The following SH3PXD2B variants were observed in gnomAD, a reference collection of about 807,000 sequenced individuals.
The protein encoded by SH3PXD2B is SH3 and PX domains 2B, also known as SH3 and PX domain-containing protein 2B.
SH3PXD2B carries 37 observed loss-of-function variants against 73.1 expected under a neutral mutation model. The observed-to-expected ratio is 0.51, with a 90% CI of 0.39 to 0.67. The LOEUF (loss-of-function observed/expected upper bound fraction) is 0.67. SH3PXD2B is among the 30% of genes least tolerant of loss of function. The probability of loss-of-function intolerance (pLI) is 0.00; values close to 1 mark genes in which losing one functional copy is unlikely to be tolerated. For synonymous variants in SH3PXD2B, 457 were observed against 480.5 expected (o/e 0.95, Z 0.64); for missense variants, 1,053 against 1,197.8 (o/e 0.88, Z 1.78).
At chr5:172,348,626 G>C (rs4129330) in intron 10 of SH3PXD2B, among the ~76,000 whole-genome samples, 1,112 of 92,514 alleles carry the variant, frequency 0.012, 11 homozygotes, top group Middle Eastern at 0.031. Flanking sequence ...ATCTATCTAT[G>C]TATCTATCTA....
chr5:172,354,106 T>C, intron 8 of SH3PXD2B, 101 bp from the exon 9 acceptor site: 1 of 1,187,026 alleles, frequency 8.4e-7, no homozygotes. Flanking sequence ...AGGATTTCCT[T>C]CAGAGATTTC....
intron 3 of SH3PXD2B, among the ~76,000 whole-genome samples, chr5:172,394,859 G>T (rs1181518587): frequency 6.6e-6 from 1 of 152,130 alleles, no homozygotes; most frequent in African/African-American, 2.4e-5. Context: ...GGGCTTGGGG[G>T]AATGGGACCC....
At chr5:172,406,790 A>T (rs1758571359) in intron 2 of SH3PXD2B, among the ~76,000 whole-genome samples, 1 of 152,228 alleles carries the variant, frequency 6.6e-6, no homozygotes, top group East Asian at 1.9e-4. Flanking sequence ...TGACCCAGGA[A>T]GAATTCTTCA....
At chr5:172,358,961 G>C in intron 7 of SH3PXD2B, 84 bp from the exon 8 acceptor site, 1 of 1,288,472 alleles carries the variant, frequency 7.8e-7, no homozygotes, top group Non-Finnish European at 1.1e-6. Flanking sequence ...TTCAGCCACT[G>C]TACCAGTGAA....
chr5:172,331,410 C>T (rs569076175), downstream of SH3PXD2B, among the ~76,000 whole-genome samples: 1 of 152,212 alleles, frequency 6.6e-6, no homozygotes, highest in Admixed American at 6.5e-5. Context: ...CGACAAGCTC[C>T]CTGGTGAATC....
rs1757141326 is a variant in SH3PXD2B at position 172,350,600 on chromosome 5, G to T, written c.786-11C>A. 1 of 1,594,934 alleles carries T rather than the reference G, an allele frequency of 6.3e-7. No homozygotes were observed. Among genetic ancestry groups the T allele is most frequent in the East Asian group, 2.3e-5 (1 of 44,008 alleles). ...TCTTTGCCCTGGTACCTGTGAAGAG[G>T]AGGAAGGATGCTGTCAAACTGCTCC... On this transcript the variant is annotated splice_polypyrimidine_tract_variant and intron_variant, in intron 9 of 12. Transcript: ENST00000311601.
At chr5:172,382,204 T>G in intron 4 of SH3PXD2B, 77 bp from the exon 5 acceptor site, 1 of 1,201,232 alleles carries the variant, frequency 8.3e-7, no homozygotes, top group Non-Finnish European at 1.2e-6. Flanking sequence ...TAATCCCAGC[T>G]ACTCGGGAGG....
intron 1 of SH3PXD2B, among the ~76,000 whole-genome samples, chr5:172,436,813 T>C (rs941864512): frequency 2.2e-4 from 33 of 152,224 alleles, no homozygotes; most frequent in East Asian, 1.3e-3. Flanking sequence ...AGAGCAAGCT[T>C]AAATGCCAAA....
At position 172,335,844 on chromosome 5, in the gene SH3PXD2B, A is replaced by G. The variant is rs564255034; in HGVS notation, c.*2525T>C. On this transcript the variant is annotated 3_prime_UTR_variant, in exon 13 of 13. Transcript: ENST00000311601. Reference sequence around the variant, plus strand: ...AGCTGGATACAGACGTCCTCAGGCCATAGATATGACTCAAGGAGAGAACAG... The same window carrying G: ...AGCTGGATACAGACGTCCTCAGGCCGTAGATATGACTCAAGGAGAGAACAG... 4.0e-5 allele frequency: 49 copies of G among 1,227,748 alleles called. No homozygotes were observed. The highest frequency in any genetic ancestry group is 2.8e-5 in the Non-Finnish European group (28 of 986,130). 76.1% of individuals were successfully genotyped at this position (1,227,748 alleles called of 1,614,324 possible). A position where few individuals can be genotyped will look rare whatever the true frequency, so the allele number is the denominator to read the frequency against.
At chr5:172,354,553 G>A (rs1051492763) in intron 8 of SH3PXD2B, among the ~76,000 whole-genome samples, 4 of 152,168 alleles carry the variant, frequency 2.6e-5, no homozygotes, top group Admixed American at 1.3e-4. Flanking sequence ...CCTGAAGGCT[G>A]GGTGGGAGCC....
chr5:172,371,348 A>G (rs1757699091), intron 6 of SH3PXD2B, among the ~76,000 whole-genome samples: 1 of 152,202 alleles, frequency 6.6e-6, no homozygotes, highest in African/African-American at 2.4e-5. Context: ...CTGCAGGATG[A>G]GCAGAATTTG....
intron 6 of SH3PXD2B, among the ~76,000 whole-genome samples, chr5:172,365,195 C>T (rs958982176): frequency 6.6e-6 from 1 of 152,154 alleles, no homozygotes; most frequent in African/African-American, 2.4e-5. Context: ...AAGATGCAGG[C>T]TGATGGTTCA....
At chr5:172,429,866 C>A (rs960522430) in intron 1 of SH3PXD2B, among the ~76,000 whole-genome samples, 4 of 152,206 alleles carry the variant, frequency 2.6e-5, no homozygotes, top group African/African-American at 9.6e-5. Context: ...TTGGCTGCAG[C>A]TGGAGCATGG....
At chr5:172,354,834 G>A (rs79051174) in intron 8 of SH3PXD2B, among the ~76,000 whole-genome samples, 2,173 of 152,196 alleles carry the variant, frequency 0.014, 16 homozygotes, top group South Asian at 0.023. Context: ...GCGGTCCCCC[G>A]ACCCCTGAAA....
At chr5:172,352,547 T>C (rs1188475273) in intron 9 of SH3PXD2B, among the ~76,000 whole-genome samples, 6 of 152,190 alleles carry the variant, frequency 3.9e-5, no homozygotes, top group African/African-American at 1.4e-4. Flanking sequence ...TTTGATATGG[T>C]TTGGCTGTGT....
At chr5:172,348,638 GTATCTATC>G (rs149273834) in intron 10 of SH3PXD2B, among the ~76,000 whole-genome samples, 5 of 72,566 alleles carry the variant, frequency 6.9e-5, no homozygotes, top group South Asian at 8.4e-4. Flanking sequence ...ATCTATCTAT[GTATCTATC>G]TATCTATCCT....
intron 3 of SH3PXD2B, among the ~76,000 whole-genome samples, chr5:172,400,444 T>A (rs1349979961): frequency 6.6e-6 from 1 of 152,224 alleles, no homozygotes; most frequent in African/African-American, 2.4e-5. Flanking sequence ...CATAGGAGGT[T>A]CAGCTTGTTC....
chr5:172,390,860 T>TGTGTGA lies in SH3PXD2B; in HGVS notation c.309+3702_309+3703insTCACAC, dbSNP rs949339165. On this transcript the variant is annotated intron_variant, in intron 4 of 12. Coordinates refer to ENST00000311601, the MANE Select transcript of SH3PXD2B (RefSeq NM_001017995.3). ...GTGTGTGTGTGTGTGTGTGTGTGTG[T>TGTGTGA]GACAGAGTTTTGCCCTTGTTGCCCA... Among the ~76,000 whole-genome samples the TGTGTGA allele has an allele frequency of 3.1e-4, 44 of 142,900 alleles. 1 individual carries two copies. Among genetic ancestry groups the TGTGTGA allele is most frequent in the Admixed American group, 1.6e-3 (22 of 14,174 alleles). 93.7% of individuals were successfully genotyped at this position (142,900 alleles called of 152,430 possible). A position where few individuals can be genotyped will look rare whatever the true frequency, so the allele number is the denominator to read the frequency against.
chr5:172,328,087 A>T (rs1303514032), intron 12 of SH3PXD2B, among the ~76,000 whole-genome samples: 2 of 146,106 alleles, frequency 1.4e-5, no homozygotes, highest in African/African-American at 5.1e-5. Flanking sequence ...TTTTATAGAC[A>T]TGGGATCTCG....
Sources: allele counts gnomAD v4.1 joint callset (sites outside exome capture counted in the v4.1 genomes callset), GRCh38; gene constraint gnomAD v4.1.1; transcripts MANE v1.5; gene names NCBI Gene and HGNC (gene_info 2026-07-23, HGNC 2026-07-21).